SBF2: variants seen among roughly 807,000 people sequenced by gnomAD.
SBF2 encodes SET binding factor 2, also known as myotubularin-related protein 13.
In SBF2, 112 loss-of-function variants were observed where a neutral mutation model predicts 225.2. The observed-to-expected ratio is 0.50, with a 90% CI of 0.43 to 0.58. The LOEUF (loss-of-function observed/expected upper bound fraction) is 0.58. Among genes scored for constraint, SBF2 ranks in the 20% least tolerant of loss-of-function variants. The pLI is 0.00. For synonymous variants in SBF2, 763 were observed against 773.3 expected (o/e 0.99, Z 0.22); for missense variants, 1,996 against 2,206.2 (o/e 0.90, Z 1.91).
Position 9,962,051 on chromosome 11 carries a change from G to A in SBF2, c.1766C>T (p.Thr589Ile), listed in dbSNP as rs1866606437. The A allele has an allele frequency of 4.3e-6, 7 of 1,613,958 alleles. No homozygotes were observed. The highest frequency in any genetic ancestry group is 5.9e-6 in the Non-Finnish European group (7 of 1,179,966). Residue 589 changes from threonine (T) to isoleucine (I), a missense_variant, in exon 16 of 40, where the codon ACT (threonine) becomes ATT (isoleucine). By Grantham distance (89) the Thr-to-Ile change is moderately conservative (BLOSUM62 -1). Transcript: ENST00000256190. ...LKGKAARQCL[T>I]DELGLHVQQN... ...CTGGACATGCAAACCCAATTCATCA[G>A]TGAGACACTGTCTTGCTGCCTTTCC...
At chr11:10,241,326 C>T (rs1302138469) in intron 1 of SBF2, among the ~76,000 whole-genome samples, 2 of 145,520 alleles carry the variant, frequency 1.4e-5, no homozygotes, top group Non-Finnish European at 1.5e-5. Flanking sequence ...TGCACTCTGG[C>T]CTGGGTAACA....
chr11:10,245,474 T>C (rs1322716163), intron 1 of SBF2, among the ~76,000 whole-genome samples: 1 of 152,132 alleles, frequency 6.6e-6, no homozygotes, highest in Non-Finnish European at 1.5e-5. Flanking sequence ...AGAATGGCTA[T>C]TATTAAACAA....
upstream of SBF2, among the ~76,000 whole-genome samples, chr11:10,294,921 C>G (rs1263589685): frequency 6.6e-6 from 1 of 152,236 alleles, no homozygotes; most frequent in African/African-American, 2.4e-5. Flanking sequence ...TCTCGCAGCC[C>G]GAGCAGGTGG....
chr11:10,009,091 C>A (rs1366707379), intron 6 of SBF2, among the ~76,000 whole-genome samples: 1 of 152,160 alleles, frequency 6.6e-6, no homozygotes, highest in East Asian at 1.9e-4. Flanking sequence ...GGCTCCAGGG[C>A]AGACATCCCC....
At chr11:9,980,195 G>A (rs1270175291) in intron 13 of SBF2, among the ~76,000 whole-genome samples, 1 of 150,772 alleles carries the variant, frequency 6.6e-6, no homozygotes, top group African/African-American at 2.4e-5. Context: ...TGGCCAAGCT[G>A]GTCTCGAACT....
intron 1 of SBF2, among the ~76,000 whole-genome samples, chr11:10,241,181 T>C (rs1272637013): frequency 6.6e-6 from 1 of 151,982 alleles, no homozygotes; most frequent in African/African-American, 2.4e-5. Context: ...TGAAACTCCA[T>C]CTCTACTAAA....
At position 10,123,253 on chromosome 11, in the gene SBF2, A is replaced by T. The variant is rs114342137; in HGVS notation, c.141+70649T>A. ...GAAGAGTTCGACAAACAGAAACAGGAATAAGAAGGGAAACATAGGGTTCAG... is the reference window on the plus strand; with the variant it reads ...GAAGAGTTCGACAAACAGAAACAGGTATAAGAAGGGAAACATAGGGTTCAG... On this transcript the variant is annotated intron_variant, in intron 2 of 39. Coordinates refer to ENST00000256190, the MANE Select transcript of SBF2 (RefSeq NM_030962.4). Among the ~76,000 whole-genome samples the T allele has an allele frequency of 1.7e-3, 257 of 152,306 alleles. 1 individual carries two copies. Among genetic ancestry groups the T allele is most frequent in the African/African-American group, 5.7e-3 (237 of 41,578 alleles).
intron 2 of SBF2, among the ~76,000 whole-genome samples, chr11:10,119,913 C>G (rs1953355201): frequency 6.6e-6 from 1 of 152,138 alleles, no homozygotes; most frequent in South Asian, 2.1e-4. Context: ...GCAGTCGGGC[C>G]TTAGAATCAA....
chr11:9,917,552 G>T (rs763922858), intron 16 of SBF2, among the ~76,000 whole-genome samples: 1 of 151,410 alleles, frequency 6.6e-6, no homozygotes, highest in Admixed American at 6.6e-5. Context: ...GGCTGGTCTT[G>T]AACTCCTGAG....
chr11:10,263,733 C>T (rs1961668509), intron 1 of SBF2, among the ~76,000 whole-genome samples: 2 of 152,074 alleles, frequency 1.3e-5, no homozygotes, highest in South Asian at 4.1e-4. Context: ...GAAGAATATA[C>T]CATATCAAAT....
chr11:10,125,998 C>G (rs1305953463), intron 2 of SBF2, among the ~76,000 whole-genome samples: 1 of 152,166 alleles, frequency 6.6e-6, no homozygotes. Context: ...TTGGGAGGTA[C>G]ATTCTATCCA....
intron 1 of SBF2, among the ~76,000 whole-genome samples, chr11:10,207,018 A>G (rs1450336417): frequency 6.6e-6 from 1 of 150,566 alleles, no homozygotes; most frequent in Non-Finnish European, 1.5e-5. Flanking sequence ...TACTGGATAA[A>G]CTCAAAAGAA....
At chr11:9,925,451 AT>A (rs1863959922) in intron 16 of SBF2, among the ~76,000 whole-genome samples, 1 of 152,106 alleles carries the variant, frequency 6.6e-6, no homozygotes, top group Non-Finnish European at 1.5e-5. Flanking sequence ...CTAATTTTGA[AT>A]TTTTAATAGA....
chr11:9,949,580 G>A (rs1455244643), intron 16 of SBF2, among the ~76,000 whole-genome samples: 1 of 152,000 alleles, frequency 6.6e-6, no homozygotes, highest in Non-Finnish European at 1.5e-5. Flanking sequence ...TTAATGGGGT[G>A]CATTACACTG....
chr11:10,216,379 G>A (rs1331953163), intron 1 of SBF2, among the ~76,000 whole-genome samples: 3 of 152,246 alleles, frequency 2.0e-5, no homozygotes, highest in South Asian at 2.1e-4. Context: ...GAAAAAATGC[G>A]TCTATTCCTT....
intron 1 of SBF2, among the ~76,000 whole-genome samples, chr11:10,268,735 T>G (rs980265120): frequency 6.6e-6 from 1 of 152,240 alleles, no homozygotes. Context: ...GATAGCATAC[T>G]GTGATATATT....
chr11:10,061,090 A>G (rs1474656613), intron 2 of SBF2, among the ~76,000 whole-genome samples: 2 of 152,200 alleles, frequency 1.3e-5, no homozygotes, highest in African/African-American at 2.4e-5. Context: ...AAACAGAACT[A>G]AAGACAAAAA....
intron 16 of SBF2, among the ~76,000 whole-genome samples, chr11:9,941,510 C>A (rs11042561): frequency 0.2 from 30,355 of 152,044 alleles, 3,907 homozygotes; most frequent in Non-Finnish European, 0.3. Flanking sequence ...GCTCCAATAC[C>A]AGCCAAGGAG....
At chr11:9,877,868 T>G (rs1859400767) in intron 17 of SBF2, among the ~76,000 whole-genome samples, 1 of 152,218 alleles carries the variant, frequency 6.6e-6, no homozygotes, top group Non-Finnish European at 1.5e-5. Context: ...CGTGTGCATG[T>G]GTCTTTATAG....
Sources: gnomAD v4.1 joint callset for allele counts (sites outside exome capture counted in the v4.1 genomes callset) on GRCh38, gnomAD v4.1.1 for gene constraint, MANE v1.5 for transcripts, NCBI Gene and HGNC (gene_info 2026-07-23, HGNC 2026-07-21) for gene names.